LDLRAD3: variants seen among roughly 807,000 people sequenced by gnomAD.
LDLRAD3 encodes the protein low density lipoprotein receptor class A domain containing 3.
Under a neutral mutation model 29.4 loss-of-function variants are expected in LDLRAD3, and 20 were observed. The observed-to-expected ratio is 0.68, with a 90% CI of 0.48 to 0.99. LDLRAD3 has a LOEUF of 0.99. Ranked by LOEUF, LDLRAD3 falls within the 50% of genes least tolerant of loss-of-function variation. The probability of loss-of-function intolerance (pLI) is 0.00; values close to 1 mark genes in which losing one functional copy is unlikely to be tolerated. For missense variants in LDLRAD3, 420 were observed against 454.3 expected, an observed-to-expected ratio of 0.92 and a Z score of 0.69; for synonymous variants, 157 against 192.7, an observed-to-expected ratio of 0.81 and a Z score of 1.53.
intron 1 of LDLRAD3, among the ~76,000 whole-genome samples, chr11:35,985,452 G>A (rs917435480): frequency 6.6e-6 from 1 of 152,162 alleles, no homozygotes; most frequent in Non-Finnish European, 1.5e-5. Context: ...GGGATGGTAG[G>A]CTGAAACTCT....
At chr11:35,983,780 G>A (rs1436046236) in intron 1 of LDLRAD3, among the ~76,000 whole-genome samples, 2 of 152,030 alleles carry the variant, frequency 1.3e-5, no homozygotes, top group East Asian at 1.9e-4. Context: ...ACAGGTGCAC[G>A]CCAGGCTAAT....
At chr11:36,148,366 C>T (rs1175202618) in intron 4 of LDLRAD3, among the ~76,000 whole-genome samples, 3 of 152,018 alleles carry the variant, frequency 2.0e-5, no homozygotes, top group South Asian at 4.2e-4. Flanking sequence ...ATGACTATCT[C>T]GATACACTCA....
chr11:36,167,231 C>T (rs1158529498), intron 4 of LDLRAD3, among the ~76,000 whole-genome samples: 3 of 152,076 alleles, frequency 2.0e-5, no homozygotes, highest in African/African-American at 7.2e-5. Flanking sequence ...CTTCTTTTCC[C>T]GGGAACCTCA....
intron 4 of LDLRAD3, among the ~76,000 whole-genome samples, chr11:36,167,361 G>A (rs1018252221): frequency 1.3e-5 from 2 of 152,082 alleles, no homozygotes; most frequent in African/African-American, 4.8e-5. Flanking sequence ...GACTGGTGGT[G>A]GACTAAAAGC....
chr11:36,024,149 G>C (rs1356099432), intron 1 of LDLRAD3, among the ~76,000 whole-genome samples: 1 of 152,100 alleles, frequency 6.6e-6, no homozygotes. Flanking sequence ...AGAGAAAAGG[G>C]ACCCAGCCTT....
intron 4 of LDLRAD3, among the ~76,000 whole-genome samples, chr11:36,203,126 A>G (rs910217083): frequency 2.6e-5 from 4 of 151,924 alleles, no homozygotes; most frequent in Admixed American, 2.6e-4. Context: ...TTATAGAGAC[A>G]GTGTCTCACT....
chr11:36,145,744 C>T (rs1451929673), intron 4 of LDLRAD3, among the ~76,000 whole-genome samples: 2 of 151,122 alleles, frequency 1.3e-5, no homozygotes, highest in African/African-American at 4.9e-5. Context: ...GCTGTGTCCA[C>T]TCAGGGTTGA....
intron 1 of LDLRAD3, among the ~76,000 whole-genome samples, chr11:35,981,671 T>C (rs1348232605): frequency 1.3e-5 from 2 of 152,166 alleles, no homozygotes; most frequent in African/African-American, 2.4e-5. Context: ...GCCTTCTCCT[T>C]GCCTGCAGTT....
chr11:36,199,817 C>T (rs1855096164), intron 4 of LDLRAD3, among the ~76,000 whole-genome samples: 1 of 152,168 alleles, frequency 6.6e-6, no homozygotes, highest in African/African-American at 2.4e-5. Context: ...TAACCAAGGT[C>T]ATCTAATAAA....
At chr11:36,028,832 G>A (rs1852199529) in intron 1 of LDLRAD3, among the ~76,000 whole-genome samples, 1 of 152,050 alleles carries the variant, frequency 6.6e-6, no homozygotes, top group South Asian at 2.1e-4. Context: ...TATTTACTCT[G>A]GCCATTTGCA....
intron 1 of LDLRAD3, among the ~76,000 whole-genome samples, chr11:36,011,664 T>C (rs1851957565): frequency 2.6e-5 from 4 of 152,164 alleles, no homozygotes; most frequent in African/African-American, 7.2e-5. Context: ...ATTCTGCTAT[T>C]TTGGGGACAT....
intron 1 of LDLRAD3, among the ~76,000 whole-genome samples, chr11:36,018,166 A>G (rs531795281): frequency 1.1e-3 from 174 of 152,278 alleles, no homozygotes; most frequent in Middle Eastern, 3.4e-3. Flanking sequence ...GTGTTTGTAA[A>G]CTGCTGATTT....
At chr11:36,083,303 G>A (rs2133258982) in intron 3 of LDLRAD3, among the ~76,000 whole-genome samples, 1 of 152,180 alleles carries the variant, frequency 6.6e-6, no homozygotes, top group African/African-American at 2.4e-5. Flanking sequence ...AACATTTTCT[G>A]TGCTTGTCCT....
intron 1 of LDLRAD3, among the ~76,000 whole-genome samples, chr11:36,007,437 G>T (rs1373692331): frequency 6.6e-6 from 1 of 152,136 alleles, no homozygotes; most frequent in Admixed American, 6.5e-5. Flanking sequence ...CTGCTTCTGG[G>T]ACCCATCTGA....
At chr11:36,080,744 A>G (rs1324881865) in intron 2 of LDLRAD3, among the ~76,000 whole-genome samples, 2 of 152,200 alleles carry the variant, frequency 1.3e-5, no homozygotes, top group Non-Finnish European at 2.9e-5. Context: ...CAACACAGGT[A>G]AAAGACGAAT....
At chr11:35,973,842 A>G (rs1287138225) in intron 1 of LDLRAD3, among the ~76,000 whole-genome samples, 2 of 152,160 alleles carry the variant, frequency 1.3e-5, no homozygotes, top group African/African-American at 4.8e-5. Context: ...CCCCACCAGC[A>G]CTAAATGAGG....
chr11:36,073,819 A>C (rs1852948555), intron 2 of LDLRAD3, among the ~76,000 whole-genome samples: 2 of 152,118 alleles, frequency 1.3e-5, no homozygotes, highest in Admixed American at 6.5e-5. Flanking sequence ...TCATATTTTC[A>C]CTCTTTTCTC....
chr11:36,115,695 G>C (rs1233275431), intron 4 of LDLRAD3, among the ~76,000 whole-genome samples: 2 of 152,136 alleles, frequency 1.3e-5, no homozygotes, highest in Non-Finnish European at 2.9e-5. Flanking sequence ...ATCATCCAGC[G>C]AGGCTGTATA....
At chr11:36,121,914 C>T (rs1038557439) in intron 4 of LDLRAD3, among the ~76,000 whole-genome samples, 3 of 152,194 alleles carry the variant, frequency 2.0e-5, no homozygotes, top group African/African-American at 4.8e-5. Flanking sequence ...TGAGCCCTCG[C>T]GGCATGCCAG....
Sources: allele counts gnomAD v4.1 joint callset (sites outside exome capture counted in the v4.1 genomes callset), GRCh38; gene constraint gnomAD v4.1.1; transcripts MANE v1.5; gene names NCBI Gene and HGNC (gene_info 2026-07-23, HGNC 2026-07-21).